FBXW7: variants seen among roughly 807,000 people sequenced by gnomAD.
FBXW7 encodes F-box/WD repeat-containing protein 7.
Under a neutral mutation model 86.3 loss-of-function variants are expected in FBXW7, and 11 were observed. That is an observed-to-expected ratio of 0.13 (90% CI 0.08 to 0.21). FBXW7 has a LOEUF of 0.21. FBXW7 is among the 10% of genes least tolerant of loss of function. The pLI, the probability that FBXW7 is intolerant of heterozygous loss-of-function variation, is 1.00. For synonymous variants in FBXW7, 313 were observed against 297.9 expected (o/e 1.05, Z -0.52); for missense variants, 488 against 847.4 (o/e 0.58, Z 5.27).
At chr4:152,498,874 A>C (rs1746633300) in intron 2 of FBXW7, among the ~76,000 whole-genome samples, 1 of 152,204 alleles carries the variant, frequency 6.6e-6, no homozygotes, top group East Asian at 1.9e-4. Flanking sequence ...GGAAGGGAAA[A>C]AATAGAGTAT....
chr4:152,419,789 T>G (rs1267563126), intron 2 of FBXW7, among the ~76,000 whole-genome samples: 1 of 152,128 alleles, frequency 6.6e-6, no homozygotes, highest in South Asian at 2.1e-4. Context: ...ACACTACTAT[T>G]AAGTGTGTAA....
intron 4 of FBXW7, among the ~76,000 whole-genome samples, chr4:152,400,315 C>A (rs989983955): frequency 2.6e-5 from 4 of 152,100 alleles, no homozygotes; most frequent in African/African-American, 9.7e-5. Flanking sequence ...ATGTAAAGTG[C>A]AGAACTATAA....
At chr4:152,371,899 T>C (rs917881455) in intron 4 of FBXW7, among the ~76,000 whole-genome samples, 2 of 151,962 alleles carry the variant, frequency 1.3e-5, no homozygotes, top group Non-Finnish European at 2.9e-5. Context: ...ATGAAGGCAT[T>C]TGTGGATTCC....
chr4:152,401,608 G>C (rs1365735059), intron 4 of FBXW7, among the ~76,000 whole-genome samples: 1 of 152,186 alleles, frequency 6.6e-6, no homozygotes, highest in African/African-American at 2.4e-5. Flanking sequence ...TACATTGGTA[G>C]ATGCGTGTCA....
intron 2 of FBXW7, among the ~76,000 whole-genome samples, chr4:152,463,365 C>A (rs903977143): frequency 1.3e-5 from 2 of 152,076 alleles, no homozygotes; most frequent in Non-Finnish European, 1.5e-5. Context: ...TTAAACTCCA[C>A]CATTACCCAC....
At chr4:152,450,338 G>T (rs189234977) in intron 2 of FBXW7, among the ~76,000 whole-genome samples, 1 of 152,272 alleles carries the variant, frequency 6.6e-6, no homozygotes, top group East Asian at 1.9e-4. Context: ...ATTGAACTGG[G>T]TATTGCCAAG....
At chr4:152,409,698 T>C (rs1737754010) in intron 4 of FBXW7, among the ~76,000 whole-genome samples, 2 of 150,090 alleles carry the variant, frequency 1.3e-5, no homozygotes, top group African/African-American at 4.8e-5. Flanking sequence ...AAACTATACA[T>C]ACACACTTAT....
chr4:152,506,399 G>A (rs1461239650), intron 2 of FBXW7, among the ~76,000 whole-genome samples: 1 of 152,226 alleles, frequency 6.6e-6, no homozygotes, highest in East Asian at 1.9e-4. Flanking sequence ...CCAAAGTGTT[G>A]GGATTATAGG....
chr4:152,495,684 T>C (rs1043417408), intron 2 of FBXW7, among the ~76,000 whole-genome samples: 3 of 152,158 alleles, frequency 2.0e-5, no homozygotes, highest in East Asian at 3.9e-4. Context: ...AGTTCTGAGA[T>C]ACCCCTTTCT....
intron 12 of FBXW7, 63 bp downstream of exon 12, chr4:152,325,943 T>G (rs760764451): frequency 7.3e-7 from 1 of 1,372,696 alleles, no homozygotes; most frequent in Non-Finnish European, 1.0e-6. Flanking sequence ...ACAGTGATTA[T>G]CTGAGTAAAA....
chr4:152,347,030 A>G lies in FBXW7; in HGVS notation c.626T>C (p.Phe209Ser). ...LVPCSATPTT[F>S]GDLRAANGQG... ...GCCATTGGCTGCTCTGAGGTCCCCA[A>G]AAGTTGTTGGTGTTGCTGAACATGG... Residue 209 changes from phenylalanine to serine, a missense_variant, in exon 6 of 14, where the codon TTT becomes TCT. By Grantham distance (155) the Phe-to-Ser change is radical (BLOSUM62 -2). This residue lies in a region of FBXW7 where 59 missense variants were observed against 137.9 expected (regional missense o/e 0.43). Coordinates refer to ENST00000281708, the MANE Select transcript of FBXW7 (RefSeq NM_001349798.2). 1 of 1,613,520 alleles carries G rather than the reference A, an allele frequency of 6.2e-7. No individual in the cohort carries two copies. Among genetic ancestry groups the G allele is most frequent in the Non-Finnish European group, 8.5e-7 (1 of 1,179,746 alleles).
chr4:152,407,423 T>C (rs1003660390), intron 4 of FBXW7, among the ~76,000 whole-genome samples: 1 of 152,200 alleles, frequency 6.6e-6, no homozygotes, highest in African/African-American at 2.4e-5. Context: ...AAACAGACTT[T>C]GAACTTAAGT....
intron 2 of FBXW7, among the ~76,000 whole-genome samples, chr4:152,491,421 C>CAAAT: frequency 6.6e-6 from 1 of 152,084 alleles, no homozygotes; most frequent in African/African-American, 2.4e-5. Context: ...AATAGTTAAG[C>CAAAT]AAATAAATCA....
At chr4:152,341,468 T>G (rs1730732208) in intron 6 of FBXW7, among the ~76,000 whole-genome samples, 1 of 152,236 alleles carries the variant, frequency 6.6e-6, no homozygotes, top group African/African-American at 2.4e-5. Context: ...CCCTTCTGAC[T>G]AGAATGTAGG....
intron 4 of FBXW7, among the ~76,000 whole-genome samples, chr4:152,358,341 TTGC>T (rs1732598398): frequency 6.6e-6 from 1 of 152,142 alleles, no homozygotes; most frequent in Non-Finnish European, 1.5e-5. Flanking sequence ...TCCATATTTA[TTGC>T]TGCTGTTTGT....
intron 2 of FBXW7, among the ~76,000 whole-genome samples, chr4:152,418,020 G>C (rs1440819274): frequency 6.6e-6 from 1 of 152,014 alleles, no homozygotes; most frequent in Non-Finnish European, 1.5e-5. Flanking sequence ...TAAGAGTACT[G>C]ATATCAAAAG....
chr4:152,325,109 A>T (rs1241721775), intron 12 of FBXW7: 1 of 152,170 alleles, frequency 6.6e-6, no homozygotes, highest in African/African-American at 2.4e-5. Context: ...TTAAATTAGA[A>T]TATTATATTC....
intron 2 of FBXW7, among the ~76,000 whole-genome samples, chr4:152,533,980 G>A (rs1456200833): frequency 6.6e-6 from 1 of 152,156 alleles, no homozygotes; most frequent in African/African-American, 2.4e-5. Flanking sequence ...GTATACTACT[G>A]TCTATGTCTT....
intron 2 of FBXW7, among the ~76,000 whole-genome samples, chr4:152,529,544 T>C (rs777433172): frequency 3.4e-4 from 51 of 152,200 alleles, no homozygotes; most frequent in Non-Finnish European, 6.0e-4. Flanking sequence ...AAACTAAATA[T>C]ACCATCATCC....
Sources: allele counts gnomAD v4.1 joint callset (sites outside exome capture counted in the v4.1 genomes callset), GRCh38; gene constraint gnomAD v4.1.1; regional missense constraint gnomAD v4.1.1; transcripts MANE v1.5; gene names NCBI Gene and HGNC (gene_info 2026-07-23, HGNC 2026-07-21).